The following RWDD2B variants were observed in gnomAD, a reference collection of about 807,000 sequenced individuals.
RWDD2B encodes RWD domain-containing protein 2B.
A neutral mutation model predicts 33.6 loss-of-function variants in RWDD2B; 36 were observed. The ratio of observed to expected loss-of-function variants is 1.07; its 90% CI spans 0.82 to 1.42. The LOEUF is 1.42. Among genes scored for constraint, RWDD2B ranks in the 40% most tolerant of loss-of-function variants. The pLI, the probability that RWDD2B is intolerant of heterozygous loss-of-function variation, is 0.00. For missense variants in RWDD2B, 364 were observed against 377.5 expected, an observed-to-expected ratio of 0.96 and a Z score of 0.30; for synonymous variants, 126 against 133.1, an observed-to-expected ratio of 0.95 and a Z score of 0.37.
chr21:29,013,764 CAGT>C, intron 1 of RWDD2B, among the ~76,000 whole-genome samples: 1 of 151,354 alleles, frequency 6.6e-6, no homozygotes. Context: ...ATTTTCCCTT[CAGT>C]AGTTTTTTTA....
At chr21:29,011,542 G>A (rs1421034413) in intron 1 of RWDD2B, among the ~76,000 whole-genome samples, 1 of 151,084 alleles carries the variant, frequency 6.6e-6, no homozygotes, top group Non-Finnish European at 1.5e-5. Flanking sequence ...GAGGTGGGGG[G>A]GGGTCAGCCC....
chr21:29,008,864 T>C (rs1282191572), intron 1 of RWDD2B, among the ~76,000 whole-genome samples: 1 of 152,200 alleles, frequency 6.6e-6, no homozygotes, highest in Non-Finnish European at 1.5e-5. Context: ...TAATAGTAAG[T>C]AGACACCACA....
chr21:29,007,242 C>G (rs932359148), intron 4 of RWDD2B, among the ~76,000 whole-genome samples: 5 of 152,232 alleles, frequency 3.3e-5, no homozygotes, highest in Non-Finnish European at 7.3e-5. Context: ...GAGCTCAATT[C>G]ATTCAGTGCA....
Position 29,007,782 on chromosome 21 carries a change from G to A in RWDD2B, c.704C>T (p.Ala235Val). The change falls in exon 4 of 5, where the codon GCC (alanine) becomes GTC (valine). Residue 235 changes from alanine (A) to valine (V), a missense_variant. Ala to Val is a moderately conservative substitution (Grantham distance 64, BLOSUM62 0). Transcript: ENST00000493196. ...GVVCVEGPQSACEEFWSRLRK... is the reference protein window; with the variant it reads ...GVVCVEGPQSVCEEFWSRLRK... ...AAACCTTGACCAGAATTCTTCACAG[G>A]CACTTTGTGGGCCTTCCACACAAAC... 1 of 1,613,552 alleles carries A rather than the reference G, an allele frequency of 6.2e-7. No individual in the cohort carries two copies. The highest frequency in any genetic ancestry group is 8.5e-7 in the Non-Finnish European group (1 of 1,179,820).
rs1299705920 is a variant in RWDD2B, at chr21:29,005,117, T to C, written c.*1300A>G. 6.6e-6 allele frequency: 1 copy of C among 152,238 alleles called. No homozygotes were observed. The highest frequency in any genetic ancestry group is 1.9e-4 in the East Asian group (1 of 5,208). 9.4% of individuals were successfully genotyped at this position (152,238 alleles called of 1,614,324 possible). On this transcript the variant is annotated 3_prime_UTR_variant, in exon 5 of 5. Transcript: ENST00000493196. ...ACTGGGTGGTGTGTTTATTTAATGC[T>C]AGGTCAATTTGGCAAAAATAAATGT...
intron 1 of RWDD2B, among the ~76,000 whole-genome samples, chr21:29,015,668 T>C (rs2084886835): frequency 6.6e-6 from 1 of 152,078 alleles, no homozygotes; most frequent in African/African-American, 2.4e-5. Context: ...TAGCTGGGAT[T>C]ACAGGTGTTC....
chr21:29,010,802 C>T (rs1030323492), intron 1 of RWDD2B, among the ~76,000 whole-genome samples: 3 of 150,648 alleles, frequency 2.0e-5, no homozygotes, highest in Admixed American at 1.3e-4. Flanking sequence ...CGAGTGCCTG[C>T]GATTGCAGGC....
rs2084840053 is a variant in RWDD2B, at chr21:29,008,417, A to T, written c.272T>A (p.Leu91Gln). The T allele has an allele frequency of 6.2e-7, 1 of 1,614,178 alleles. No homozygotes were observed. Among genetic ancestry groups the T allele is most frequent in the African/African-American group, 1.3e-5 (1 of 75,056 alleles). The change falls in exon 2 of 5, where the codon CTG (leucine) becomes CAG (glutamine). Residue 91 changes from leucine (L) to glutamine (Q), a missense_variant. Coordinates refer to ENST00000493196, the MANE Select transcript of RWDD2B (RefSeq NM_016940.3). ...TACCATTTTTTCGTCAGATACATCC[A>T]GGTTCATATTGATAGTAAAGTAGAC... ...SKVYFTINMNLDVSDEKMAMF... is the reference protein window; with the variant it reads ...SKVYFTINMNQDVSDEKMAMF...
At chr21:29,009,082 T>C (rs1206532733) in intron 1 of RWDD2B, among the ~76,000 whole-genome samples, 1 of 152,172 alleles carries the variant, frequency 6.6e-6, no homozygotes, top group Non-Finnish European at 1.5e-5. Flanking sequence ...TTTAAGTAAA[T>C]ATTAATGTTT....
chr21:29,008,731 C>A, intron 1 of RWDD2B, 110 bp from the exon 2 acceptor site: 1 of 705,372 alleles, frequency 1.4e-6, no homozygotes, highest in Admixed American at 2.9e-5. Flanking sequence ...ATAAATTGTA[C>A]AATTTAATTA....
At chr21:29,012,464 T>C (rs2084869176) in intron 1 of RWDD2B, among the ~76,000 whole-genome samples, 1 of 152,160 alleles carries the variant, frequency 6.6e-6, no homozygotes, top group Admixed American at 6.5e-5. Flanking sequence ...TGTAGATCTG[T>C]GACCTTACCC....
At chr21:29,009,824 G>C (rs566327452) in intron 1 of RWDD2B, 3 of 152,194 alleles carry the variant, frequency 2.0e-5, no homozygotes, top group Non-Finnish European at 1.5e-5. Context: ...AAAAATGCTG[G>C]TATAATGTAT....
intron 1 of RWDD2B, among the ~76,000 whole-genome samples, chr21:29,011,659 G>A (rs2084861355): frequency 1.4e-5 from 2 of 140,810 alleles, no homozygotes; most frequent in African/African-American, 2.6e-5. Flanking sequence ...CCCCCCGCCC[G>A]GCCAGCCGCC....
At chr21:29,013,465 G>A (rs908902119) in intron 1 of RWDD2B, among the ~76,000 whole-genome samples, 4 of 151,886 alleles carry the variant, frequency 2.6e-5, no homozygotes, top group African/African-American at 9.7e-5. Context: ...AGAGGCGGGC[G>A]GATCATGAGG....
At chr21:29,011,540 G>A (rs1483247879) in intron 1 of RWDD2B, among the ~76,000 whole-genome samples, 17 of 151,192 alleles carry the variant, frequency 1.1e-4, no homozygotes, top group African/African-American at 2.9e-4. Context: ...GGGAGGTGGG[G>A]GGGGGTCAGC....
At chr21:29,016,592 A>G (rs565332128) in intron 1 of RWDD2B, among the ~76,000 whole-genome samples, 1 of 151,694 alleles carries the variant, frequency 6.6e-6, no homozygotes, top group Non-Finnish European at 1.5e-5. Flanking sequence ...ATCCTCATAC[A>G]TACTTAAAAT....
intron 1 of RWDD2B, among the ~76,000 whole-genome samples, chr21:29,017,604 T>C (rs912593513): frequency 2.6e-5 from 4 of 151,774 alleles, no homozygotes; most frequent in South Asian, 2.1e-4. Context: ...AGAGCAAGAC[T>C]GTCTCAAAAA....
At chr21:29,012,102 G>A (rs1463924803) in intron 1 of RWDD2B, among the ~76,000 whole-genome samples, 6 of 131,456 alleles carry the variant, frequency 4.6e-5, no homozygotes, top group Non-Finnish European at 8.3e-5. Flanking sequence ...CAGCCGCCCC[G>A]TCCGGGAGGG....
intron 1 of RWDD2B, among the ~76,000 whole-genome samples, chr21:29,012,499 G>A (rs1315223308): frequency 6.6e-6 from 1 of 151,906 alleles, no homozygotes; most frequent in Non-Finnish European, 1.5e-5. Context: ...TCTGAAACAT[G>A]TGCTGTATCC....
Sources: allele counts gnomAD v4.1 joint callset (sites outside exome capture counted in the v4.1 genomes callset), GRCh38; gene constraint gnomAD v4.1.1; transcripts MANE v1.5; gene names NCBI Gene and HGNC (gene_info 2026-07-23, HGNC 2026-07-21).